RBM28: variants seen among roughly 807,000 people sequenced by gnomAD.
The protein encoded by RBM28 is RNA binding motif protein 28, also known as RNA-binding protein 28.
RBM28 carries 78 observed loss-of-function variants against 98.3 expected under a neutral mutation model. The ratio of observed to expected loss-of-function variants is 0.79; its 90% confidence interval spans 0.66 to 0.96. The LOEUF is 0.96. Among genes scored for constraint, RBM28 ranks in the 40% least tolerant of loss-of-function variants. The pLI is 0.00. For synonymous variants in RBM28, 306 were observed against 330.9 expected (o/e 0.92, Z 0.82); for missense variants, 838 against 913.0 (o/e 0.92, Z 1.06).
Position 128,308,349 on chromosome 7 carries a change from G to GT in RBM28, c.*2447dup. On this transcript the variant is annotated 3_prime_UTR_variant, in exon 19 of 19. Coordinates refer to ENST00000223073, the MANE Select transcript of RBM28 (RefSeq NM_018077.3). ...TAAGTGTTAAGATATATTTTTGAAT[G>GT]TTAAAGATATTCGTGTACTAGGGAA... 6.6e-6 allele frequency: 1 copy of GT among 152,328 alleles called. No homozygotes were observed. 9.4% of individuals were successfully genotyped at this position (152,328 alleles called of 1,614,324 possible). A position where few individuals can be genotyped will look rare whatever the true frequency, so the allele number is the denominator to read the frequency against.
Position 128,312,671 on chromosome 7 carries a change from C to T in RBM28, c.2145+504G>A, listed in dbSNP as rs117300577. Among the ~76,000 whole-genome samples the T allele has an allele frequency of 1.8e-3, 269 of 152,070 alleles. 1 individual carries two copies. Among genetic ancestry groups the T allele is most frequent in the African/African-American group, 6.1e-3 (253 of 41,474 alleles). On this transcript the variant is annotated intron_variant, in intron 18 of 18. Transcript: ENST00000223073. ...AAGTATAATGTGGGACTTTGGATCC[C>T]GACTCATACTAACCAAGTATAAAAA...
intron 10 of RBM28, among the ~76,000 whole-genome samples, 160 bp from the exon 11 acceptor site, chr7:128,326,051 T>G (rs989855850): frequency 2.0e-5 from 3 of 152,142 alleles, no homozygotes; most frequent in Non-Finnish European, 4.4e-5. Flanking sequence ...ACACCTGTAA[T>G]CCCGGCACTT....
In RBM28 at chr7:128,314,783, G is replaced by T; in HGVS notation, c.2026C>A (p.His676Asn). 6.2e-7 allele frequency: 1 copy of T among 1,614,228 alleles called. No homozygotes were observed. The highest frequency in any genetic ancestry group is 8.5e-7 in the Non-Finnish European group (1 of 1,180,044). ...KRRKVLALPSHRGPKIRLRDK... is the reference protein window; with the variant it reads ...KRRKVLALPSNRGPKIRLRDK... ...TCTCACCTGATTTTGGGGCCTCGGTGTGAGGGGAGCGCCAGGACCTTTCTT... is the reference window on the plus strand; with the variant it reads ...TCTCACCTGATTTTGGGGCCTCGGTTTGAGGGGAGCGCCAGGACCTTTCTT... The change falls in exon 17 of 19, where the codon CAC (histidine) becomes AAC (asparagine). Residue 676 changes from histidine to asparagine, a missense_variant. By Grantham distance (68) the His-to-Asn change is moderately conservative (BLOSUM62 1). Transcript: ENST00000223073.
In RBM28 at chr7:128,321,436, A is replaced by ACC; in HGVS notation, c.1405-14_1405-13dup. 2 of 1,614,026 alleles carry ACC rather than the reference A, an allele frequency of 1.2e-6. No homozygotes were observed. The highest frequency in any genetic ancestry group is 1.7e-6 in the Non-Finnish European group (2 of 1,179,926). On this transcript the variant is annotated splice_polypyrimidine_tract_variant and intron_variant, in intron 13 of 18. Coordinates refer to ENST00000223073, the MANE Select transcript of RBM28 (RefSeq NM_018077.3). ...TTCAGCAGCTCAAACTGAAAGAACA[A>ACC]CCAATGGTTAACAGTACAACCCACT...
In RBM28 at chr7:128,321,294, C is replaced by T. The variant is rs764811728; in HGVS notation, c.1535G>A (p.Ser512Asn). Residue 512 changes from serine (S) to asparagine (N), a missense_variant, in exon 14 of 19, where the codon AGT becomes AAT. Coordinates refer to ENST00000223073, the MANE Select transcript of RBM28 (RefSeq NM_018077.3). ...QLRKLLLSAT[S>N]GEKGVRIKEC... ...CTTGATGCGCACCCCTTTCTCTCCA[C>T]TAGTAGCACTCAGCAGCAGCTTTCT... The T allele has an allele frequency of 2.5e-6, 4 of 1,614,116 alleles. No homozygotes were observed. The highest frequency in any genetic ancestry group is 4.5e-5 in the East Asian group (2 of 44,902).
At position 128,321,385 on chromosome 7, in the gene RBM28, T is replaced by C. The variant is rs778896192; in HGVS notation, c.1444A>G (p.Ile482Val). ...LKHQKLKDQNIFVSRTRLCLH... is the reference protein window; with the variant it reads ...LKHQKLKDQNVFVSRTRLCLH... ...CAGAGCCTGGTTCGGGAGACAAAGA[T>C]ATTCTGGTCCTTGAGTTTCTGATGC... Residue 482 changes from isoleucine to valine, a missense_variant, in exon 14 of 19, where the codon ATC becomes GTC. Transcript: ENST00000223073. The C allele has an allele frequency of 1.2e-6, 2 of 1,614,102 alleles. No individual in the cohort carries two copies. The highest frequency in any genetic ancestry group is 1.3e-5 in the African/African-American group (1 of 74,940).
At chr7:128,329,659 G>A (rs1032469625) in intron 10 of RBM28, among the ~76,000 whole-genome samples, 3 of 152,108 alleles carry the variant, frequency 2.0e-5, no homozygotes, top group Admixed American at 6.5e-5. Context: ...GCCAAGGCGG[G>A]TGTATCACAA....
At chr7:128,318,216 G>A (rs1363192375) in intron 14 of RBM28, 110 bp from the exon 15 acceptor site, 9 of 1,128,972 alleles carry the variant, frequency 8.0e-6, no homozygotes, top group Non-Finnish European at 1.0e-5. Context: ...TGGGCATGGT[G>A]GTTCATGCCT....
At chr7:128,338,425 C>T in intron 4 of RBM28, 83 bp from the exon 5 acceptor site, 1 of 1,193,096 alleles carries the variant, frequency 8.4e-7, no homozygotes, top group South Asian at 1.2e-5. Context: ...GCAATTCAGG[C>T]CCACAAGATG....
At chr7:128,322,502 T>C (rs1395847620) in intron 13 of RBM28, among the ~76,000 whole-genome samples, 1 of 152,214 alleles carries the variant, frequency 6.6e-6, no homozygotes. Context: ...ACAAATCCCT[T>C]GGAAAACGAC....
At chr7:128,318,190 A>C in intron 14 of RBM28, 84 bp from the exon 15 acceptor site, 3 of 1,380,936 alleles carry the variant, frequency 2.2e-6, no homozygotes, top group Non-Finnish European at 3.0e-6. Context: ...AGTCAATAAG[A>C]AATCAGGCTA....
intron 18 of RBM28, among the ~76,000 whole-genome samples, chr7:128,312,128 T>C (rs1795997725): frequency 6.6e-6 from 1 of 152,136 alleles, no homozygotes; most frequent in South Asian, 2.1e-4. Context: ...TCAAGAAAAC[T>C]GAACTTGAGG....
chr7:128,318,028 G>A lies in RBM28; in HGVS notation c.1642C>T (p.Gln548Ter). 6.2e-7 allele frequency: 1 copy of A among 1,614,044 alleles called. No homozygotes were observed. Among genetic ancestry groups the A allele is most frequent in the Non-Finnish European group, 8.5e-7 (1 of 1,179,890 alleles). ...QSLGYAFAEF[Q>*]EHEHALKALR... ...GCTTTCAGGGCATGCTCGTGCTCTT[G>A]GAACTCCGCAAAGGCGTAGCCCAGG... The change falls in exon 15 of 19, where the codon CAA becomes TAA. Residue 548 changes from glutamine to a stop codon, truncating the protein, a stop_gained. Coordinates refer to ENST00000223073, the MANE Select transcript of RBM28 (RefSeq NM_018077.3). LOFTEE classifies it high-confidence loss of function.
intron 14 of RBM28, among the ~76,000 whole-genome samples, chr7:128,320,083 G>A (rs1300601846): frequency 2.0e-5 from 3 of 151,956 alleles, no homozygotes; most frequent in Non-Finnish European, 4.4e-5. Flanking sequence ...TGGGCGTGGT[G>A]GTGCATGCCT....
chr7:128,313,032 A>G, intron 18 of RBM28, 143 bp downstream of exon 18: 1 of 816,410 alleles, frequency 1.2e-6, no homozygotes, highest in Non-Finnish European at 2.1e-6. Context: ...TTAAGATTGT[A>G]TAGCTCAACA....
chr7:128,321,767 G>C (rs902957003), intron 13 of RBM28, among the ~76,000 whole-genome samples: 2 of 152,116 alleles, frequency 1.3e-5, no homozygotes, highest in Admixed American at 6.5e-5. Context: ...ATAATATAAG[G>C]CTGGGCAGGG....
At position 128,308,522 on chromosome 7, in the gene RBM28, C is replaced by T. The variant is rs1189650958; in HGVS notation, c.*2275G>A. Reference sequence around the variant, plus strand: ...TGAGAAAGACATGTTGCCAGGCTACCGTAAGAACATTTGACAGCCCAAGTC... The same window carrying T: ...TGAGAAAGACATGTTGCCAGGCTACTGTAAGAACATTTGACAGCCCAAGTC... On this transcript the variant is annotated 3_prime_UTR_variant, in exon 19 of 19. Transcript: ENST00000223073. 1 of 152,330 alleles carries T rather than the reference C, an allele frequency of 6.6e-6. No individual in the cohort carries two copies. Among genetic ancestry groups the T allele is most frequent in the Middle Eastern group, 3.4e-3 (1 of 294 alleles). 9.4% of individuals were successfully genotyped at this position (152,330 alleles called of 1,614,324 possible). A position where few individuals can be genotyped will look rare whatever the true frequency, so the allele number is the denominator to read the frequency against.
At chr7:128,331,836 A>T (rs2116371026) in intron 9 of RBM28, among the ~76,000 whole-genome samples, 1 of 152,264 alleles carries the variant, frequency 6.6e-6, no homozygotes, top group South Asian at 2.1e-4. Context: ...AGTATCTGTA[A>T]TTTTACTTCT....
At position 128,300,754 on chromosome 7, in the gene RBM28, T is replaced by C. The variant is rs1795771651; in HGVS notation, c.*10043A>G. 1 of 152,302 alleles carries C rather than the reference T, an allele frequency of 6.6e-6. No individual in the cohort carries two copies. The highest frequency in any genetic ancestry group is 1.5e-5 in the Non-Finnish European group (1 of 68,084). 9.4% of individuals were successfully genotyped at this position (152,302 alleles called of 1,614,324 possible). ...TTGGGTGCGGTTGCATGGATTGATGTCAAAAGCCTCCCAAGGCCCAGTCTG... is the reference window on the plus strand; with the variant it reads ...TTGGGTGCGGTTGCATGGATTGATGCCAAAAGCCTCCCAAGGCCCAGTCTG... On this transcript the variant is annotated 3_prime_UTR_variant, in exon 19 of 19. Transcript: ENST00000223073.
Sources: allele counts gnomAD v4.1 joint callset (sites outside exome capture counted in the v4.1 genomes callset), GRCh38; gene constraint gnomAD v4.1.1; transcripts MANE v1.5; gene names NCBI Gene and HGNC (gene_info 2026-07-23, HGNC 2026-07-21).